The following ICA1 variants were observed in gnomAD, a reference collection of about 807,000 sequenced individuals.
The protein encoded by ICA1 is islet cell autoantigen 1, also known as 69 kDa islet cell autoantigen.
Under a neutral mutation model 71.0 loss-of-function variants are expected in ICA1, and 40 were observed. The observed-to-expected ratio is 0.56, with a 90% CI of 0.44 to 0.73. The LOEUF is 0.73. ICA1 is among the 30% of genes least tolerant of loss of function. The pLI is 0.00. For missense variants in ICA1, 578 were observed against 576.5 expected (o/e 1.00, Z -0.03); for synonymous variants, 207 against 209.5 (o/e 0.99, Z 0.10).
intron 6 of ICA1, among the ~76,000 whole-genome samples, chr7:8,205,070 A>T (rs1266240063): frequency 3.2e-5 from 4 of 126,398 alleles, no homozygotes; most frequent in African/African-American, 8.0e-5. Flanking sequence ...TTTAAAATGG[A>T]AGACATGCAA....
At chr7:8,211,408 G>A (rs1221388537) in intron 6 of ICA1, among the ~76,000 whole-genome samples, 2 of 152,156 alleles carry the variant, frequency 1.3e-5, no homozygotes, top group African/African-American at 4.8e-5. Context: ...TGGTTAATGC[G>A]TTTGGTAGTT....
Position 8,173,868 on chromosome 7 carries a change from CAA to C in ICA1, c.580-15218_580-15217del, listed in dbSNP as rs571814258. On this transcript the variant is annotated intron_variant, in intron 6 of 13. Transcript: ENST00000402384. This position sits in a 1 kb window ranked among gnomAD's most constrained non-coding sequence, Gnocchi z 4.0. ...TGCTGGAGATAAGCAGAGAATAAAG[CAA>C]AGTCTTTGCTTTCATGATGGTTATG... 3.9e-5 allele frequency among the ~76,000 whole-genome samples: 6 copies of C among 152,196 alleles called. No homozygotes were observed. In the South Asian group the frequency reaches 1.2e-3, roughly 32 times the overall value.
chr7:8,208,566 C>G (rs1036094556), intron 6 of ICA1, among the ~76,000 whole-genome samples: 2 of 152,052 alleles, frequency 1.3e-5, no homozygotes, highest in African/African-American at 4.8e-5. Context: ...AATAAGACGA[C>G]TAGCTGGGAA....
chr7:8,209,729 G>C (rs1792965316), intron 6 of ICA1, among the ~76,000 whole-genome samples: 1 of 109,054 alleles, frequency 9.2e-6, no homozygotes, highest in Admixed American at 1.0e-4. Context: ...CTTGCTTTGG[G>C]AAGTCGGCAA....
At chr7:8,243,906 C>T (rs1020420400) in intron 1 of ICA1, among the ~76,000 whole-genome samples, 13 of 151,932 alleles carry the variant, frequency 8.6e-5, no homozygotes, top group South Asian at 2.1e-4. Flanking sequence ...CACTGCTCAA[C>T]GAAATAAAAG....
intron 6 of ICA1, 78 bp downstream of exon 6, chr7:8,218,227 T>C (rs1049950147): frequency 7.8e-7 from 1 of 1,277,240 alleles, no homozygotes. Context: ...TTATGTCTTC[T>C]TCACCAGAGG....
Position 8,123,300 on chromosome 7 carries a change from G to A in ICA1, c.1330+4573C>T, listed in dbSNP as rs946310211. Among the ~76,000 whole-genome samples the A allele has an allele frequency of 1.3e-5, 2 of 152,168 alleles. No individual in the cohort carries two copies. The highest frequency in any genetic ancestry group is 2.9e-5 in the Non-Finnish European group (2 of 68,034). On this transcript the variant is annotated intron_variant, in intron 13 of 13. Coordinates refer to ENST00000402384, the MANE Select transcript of ICA1 (RefSeq NM_001136020.3). The surrounding 1 kb of genome is among the most constrained non-coding windows in gnomAD (Gnocchi z 4.1). ...CCCCAGGGGACTGGGGACAGAACGA[G>A]GAGAGAGGTGGAAGAAGAGAGGTAC...
At chr7:8,195,977 C>CACAACA (rs202049966) in intron 6 of ICA1, among the ~76,000 whole-genome samples, 39,110 of 129,126 alleles carry the variant, frequency 0.3, 8,982 homozygotes, top group African/African-American at 0.64. Context: ...GGCTCCGTCT[C>CACAACA]ACAACAACAA....
rs1027259062 is a variant in ICA1, at chr7:8,221,173, A to C, written c.380+102T>G. The C allele has an allele frequency of 3.4e-6, 5 of 1,474,490 alleles. No individual in the cohort carries two copies. In the African/African-American group the frequency reaches 7.0e-5, roughly 21 times the overall value. 91.3% of individuals were successfully genotyped at this position (1,474,490 alleles called of 1,614,324 possible). On this transcript the variant is annotated intron_variant, in intron 5 of 13. Coordinates refer to ENST00000402384, the MANE Select transcript of ICA1 (RefSeq NM_001136020.3). ...ACAGAGCAGCTCCTCAGCCTCAGGC[A>C]AAATCCTTCTAAAGAACACTGTGAG...
chr7:8,146,882 GCACACACACACACA>G (rs144575495), intron 8 of ICA1, among the ~76,000 whole-genome samples: 2 of 139,356 alleles, frequency 1.4e-5, no homozygotes, highest in Non-Finnish European at 3.1e-5. Flanking sequence ...ACACACACAC[GCACACACACACACA>G]CACACACACA....
At chr7:8,211,376 A>G (rs1563023148) in intron 6 of ICA1, among the ~76,000 whole-genome samples, 1 of 152,182 alleles carries the variant, frequency 6.6e-6, no homozygotes, top group Non-Finnish European at 1.5e-5. Context: ...CCTCAGCTCC[A>G]ACCTGCAAGG....
At chr7:8,165,931 T>A (rs1805781920) in intron 6 of ICA1, among the ~76,000 whole-genome samples, 2 of 152,214 alleles carry the variant, frequency 1.3e-5, no homozygotes, top group African/African-American at 4.8e-5. Context: ...ATTGTTGAAA[T>A]GTCCATACTG....
intron 5 of ICA1, among the ~76,000 whole-genome samples, chr7:8,220,307 G>A (rs936008780): frequency 1.3e-5 from 2 of 152,172 alleles, no homozygotes; most frequent in Non-Finnish European, 2.9e-5. Context: ...CTGAAAAACA[G>A]ACACAGCAGG....
At chr7:8,225,790 A>G (rs1798417160) in intron 4 of ICA1, among the ~76,000 whole-genome samples, 1 of 152,202 alleles carries the variant, frequency 6.6e-6, no homozygotes, top group African/African-American at 2.4e-5. Flanking sequence ...TTTTATCTGT[A>G]ACTTCTTTCT....
chr7:8,215,097 C>A (rs184352271), intron 6 of ICA1, among the ~76,000 whole-genome samples: 1 of 152,116 alleles, frequency 6.6e-6, no homozygotes. Context: ...CCCTTCTCCA[C>A]CTTACAAAGA....
chr7:8,246,155 G>A (rs2128505609), intron 1 of ICA1, among the ~76,000 whole-genome samples: 1 of 152,270 alleles, frequency 6.6e-6, no homozygotes, highest in East Asian at 1.9e-4. Flanking sequence ...CTTACCTTGG[G>A]AGATAAGCAA....
intron 1 of ICA1, 112 bp from the exon 2 acceptor site, chr7:8,236,117 T>C: frequency 3.4e-6 from 2 of 591,140 alleles, no homozygotes; most frequent in South Asian, 2.4e-5. Flanking sequence ...TTTTAGGGTC[T>C]AACACTGTTA....
chr7:8,204,286 C>G (rs1233984778), intron 6 of ICA1, among the ~76,000 whole-genome samples: 1 of 152,162 alleles, frequency 6.6e-6, no homozygotes, highest in African/African-American at 2.4e-5. Context: ...GCTGGAAAGC[C>G]GAGAAGAGCA....
At chr7:8,261,237 T>G (rs1007274518) in intron 1 of ICA1, among the ~76,000 whole-genome samples, 13 of 152,144 alleles carry the variant, frequency 8.5e-5, no homozygotes, top group Non-Finnish European at 1.9e-4. Context: ...TTCGCCAGAA[T>G]AAGGGCGCGA....
Sources: gnomAD v4.1 joint callset for allele counts (sites outside exome capture counted in the v4.1 genomes callset) on GRCh38, gnomAD v4.1.1 for gene constraint, Gnocchi (gnomAD v3.1) non-coding constraint, MANE v1.5 for transcripts, NCBI Gene and HGNC (gene_info 2026-07-23, HGNC 2026-07-21) for gene names.